Variants in PIP5K1B observed in about 807,000 individuals in gnomAD.
The protein encoded by PIP5K1B is phosphatidylinositol-4-phosphate 5-kinase type 1 beta, also known as phosphatidylinositol 4-phosphate 5-kinase type-1 beta.
Under a neutral mutation model 67.0 loss-of-function variants are expected in PIP5K1B, and 42 were observed. That is an observed-to-expected ratio of 0.63 (90% confidence interval 0.49 to 0.81). The LOEUF (loss-of-function observed/expected upper bound fraction) is 0.81, where lower values mean the gene tolerates loss of function less well. PIP5K1B is among the 30% of genes least tolerant of loss of function. PIP5K1B has a pLI of 0.00. For synonymous variants in PIP5K1B, 214 were observed against 231.4 expected (o/e 0.92, Z 0.68); for missense variants, 459 against 646.3 (o/e 0.71, Z 3.14).
intron 14 of PIP5K1B, among the ~76,000 whole-genome samples, chr9:68,975,854 C>T (rs1243473619): frequency 1.3e-5 from 2 of 152,134 alleles, no homozygotes; most frequent in African/African-American, 4.8e-5. Context: ...GTCTCTATGT[C>T]CAAACTTCCC....
chr9:68,734,855 A>T (rs766757440), intron 1 of PIP5K1B, among the ~76,000 whole-genome samples: 3 of 152,250 alleles, frequency 2.0e-5, no homozygotes, highest in Non-Finnish European at 4.4e-5. Context: ...AGCCAAACAG[A>T]TGGAGGCTGA....
intron 4 of PIP5K1B, chr9:68,843,315 A>G (rs1159070691): frequency 2.0e-5 from 3 of 152,224 alleles, no homozygotes; most frequent in East Asian, 3.8e-4. Flanking sequence ...GGAAATGACT[A>G]GGAGGCTGCT....
intron 2 of PIP5K1B, chr9:68,782,039 G>A (rs73646760): frequency 1.2e-5 from 2 of 167,166 alleles, no homozygotes; most frequent in African/African-American, 4.8e-5. Flanking sequence ...CTACTTTTCT[G>A]CTCTGCCCAT....
intron 2 of PIP5K1B, chr9:68,780,165 A>C: frequency 6.6e-7 from 1 of 1,512,242 alleles, no homozygotes. Flanking sequence ...TGCCCCCGAC[A>C]TGGCTCAGGA....
chr9:68,902,138 G>A (rs760572310), intron 8 of PIP5K1B, among the ~76,000 whole-genome samples: 7 of 152,114 alleles, frequency 4.6e-5, no homozygotes, highest in Non-Finnish European at 8.8e-5. Context: ...ACATGCACAT[G>A]TGTGGTGGGG....
intron 2 of PIP5K1B, among the ~76,000 whole-genome samples, chr9:68,763,609 AAAATACAATTCACAGC>A (rs1166566508): frequency 4.6e-5 from 7 of 152,158 alleles, no homozygotes; most frequent in African/African-American, 1.7e-4. Flanking sequence ...ATGTTAAAAA[AAAATACAATTCACAGC>A]TCTATAGATT....
intron 4 of PIP5K1B, among the ~76,000 whole-genome samples, chr9:68,842,729 G>A (rs1309029171): frequency 6.6e-6 from 1 of 152,146 alleles, no homozygotes; most frequent in Non-Finnish European, 1.5e-5. Context: ...TGTAAAGACC[G>A]GGGATGCTGC....
intron 2 of PIP5K1B, among the ~76,000 whole-genome samples, chr9:68,762,317 G>T (rs570368518): frequency 2.0e-5 from 3 of 152,184 alleles, no homozygotes; most frequent in Admixed American, 6.5e-5. Flanking sequence ...TGCTGAGCAG[G>T]TGGCTGAAAG....
intron 8 of PIP5K1B, among the ~76,000 whole-genome samples, chr9:68,915,102 C>G (rs768100800): frequency 6.6e-6 from 1 of 151,998 alleles, no homozygotes; most frequent in Admixed American, 6.5e-5. Context: ...TTACAAGCAC[C>G]CTATATGATA....
chr9:68,778,601 T>A (rs1831044088), intron 2 of PIP5K1B, among the ~76,000 whole-genome samples: 1 of 152,230 alleles, frequency 6.6e-6, no homozygotes, highest in Admixed American at 6.5e-5. Context: ...AGTCCAAGAA[T>A]CTTATCTGTA....
intron 4 of PIP5K1B, among the ~76,000 whole-genome samples, chr9:68,851,278 G>T (rs768308430): frequency 9.9e-5 from 15 of 152,176 alleles, no homozygotes; most frequent in Non-Finnish European, 1.8e-4. Context: ...TTAAAAGGCT[G>T]CTTGATAAAA....
chr9:68,947,687 A>G (rs1018470016), intron 14 of PIP5K1B, among the ~76,000 whole-genome samples: 10 of 152,228 alleles, frequency 6.6e-5, no homozygotes, highest in Admixed American at 4.6e-4. Context: ...TCATGGAACC[A>G]ATTTATTCTC....
chr9:68,960,892 TCGTTGG>T (rs1195955122), intron 14 of PIP5K1B, among the ~76,000 whole-genome samples: 7 of 152,226 alleles, frequency 4.6e-5, no homozygotes, highest in Non-Finnish European at 7.3e-5. Context: ...TTTCTCATAA[TCGTTGG>T]TTGTCTGTTC....
chr9:68,786,941 C>T (rs1030327231), intron 2 of PIP5K1B, among the ~76,000 whole-genome samples: 3 of 152,120 alleles, frequency 2.0e-5, no homozygotes, highest in Non-Finnish European at 4.4e-5. Flanking sequence ...CAGTACCACC[C>T]CCGCATGGAC....
At chr9:68,860,454 A>G (rs912451167) in intron 4 of PIP5K1B, among the ~76,000 whole-genome samples, 2 of 152,234 alleles carry the variant, frequency 1.3e-5, no homozygotes, top group Non-Finnish European at 2.9e-5. Context: ...CAAGAAGTTT[A>G]CAAGTTTTTC....
intron 6 of PIP5K1B, among the ~76,000 whole-genome samples, chr9:68,879,639 A>G (rs572016079): frequency 6.6e-6 from 1 of 152,312 alleles, no homozygotes; most frequent in South Asian, 2.1e-4. Context: ...CAGGAGATCT[A>G]TTCTACATGG....
chr9:68,765,080 G>C (rs1223338134), intron 2 of PIP5K1B, among the ~76,000 whole-genome samples: 1 of 151,978 alleles, frequency 6.6e-6, no homozygotes, highest in Non-Finnish European at 1.5e-5. Flanking sequence ...TCACTTGCAG[G>C]TCATTTGTTC....
chr9:68,963,364 G>C, intron 14 of PIP5K1B: 1 of 371,052 alleles, frequency 2.7e-6, no homozygotes, highest in Admixed American at 3.1e-5. Context: ...TTAGCTGGGC[G>C]TGGTGGTGCA....
intron 4 of PIP5K1B, among the ~76,000 whole-genome samples, chr9:68,834,389 TC>T (rs1464308205): frequency 6.6e-6 from 1 of 152,132 alleles, no homozygotes; most frequent in East Asian, 1.9e-4. Context: ...TCAGTCACCC[TC>T]CCCAGCCTCC....
Sources: allele counts gnomAD v4.1 joint callset (sites outside exome capture counted in the v4.1 genomes callset), GRCh38; gene constraint gnomAD v4.1.1; transcripts MANE v1.5; gene names NCBI Gene and HGNC (gene_info 2026-07-23, HGNC 2026-07-21).